The following NCAM2 variants were observed in gnomAD, a reference collection of about 807,000 sequenced individuals.
NCAM2 encodes the protein neural cell adhesion molecule 2, also known as N-CAM-2.
Under a neutral mutation model 98.1 loss-of-function variants are expected in NCAM2, and 30 were observed. That is an observed-to-expected ratio of 0.31 (90% CI 0.23 to 0.41). The LOEUF (loss-of-function observed/expected upper bound fraction) is 0.41. Ranked by LOEUF, NCAM2 falls within the 10% of genes least tolerant of loss-of-function variation. NCAM2 has a pLI of 1.00. For synonymous variants in NCAM2, 368 were observed against 342.4 expected, an observed-to-expected ratio of 1.07 and a Z score of -0.83; for missense variants, 867 against 1,005.8, an observed-to-expected ratio of 0.86 and a Z score of 1.87.
intron 5 of NCAM2, among the ~76,000 whole-genome samples, chr21:21,311,416 C>CT (rs2074051318): frequency 6.8e-6 from 1 of 146,296 alleles, no homozygotes; most frequent in South Asian, 2.2e-4. Context: ...TCTCCGCTCA[C>CT]TGCAAGCTCT....
chr21:21,304,103 G>T (rs1185967066), intron 5 of NCAM2, among the ~76,000 whole-genome samples: 1 of 152,084 alleles, frequency 6.6e-6, no homozygotes, highest in East Asian at 1.9e-4. Flanking sequence ...GTGGGTGAAA[G>T]ATGTTGATGA....
chr21:21,303,865 A>G (rs905922998), intron 5 of NCAM2, among the ~76,000 whole-genome samples: 2 of 152,120 alleles, frequency 1.3e-5, no homozygotes, highest in African/African-American at 4.8e-5. Flanking sequence ...CATTTCCCTA[A>G]TGCCTCAGGA....
intron 5 of NCAM2, among the ~76,000 whole-genome samples, chr21:21,304,634 A>G (rs2073825520): frequency 6.6e-6 from 1 of 152,148 alleles, no homozygotes. Flanking sequence ...TTCAATTTTT[A>G]CATATACATA....
intron 1 of NCAM2, among the ~76,000 whole-genome samples, chr21:21,134,909 A>G (rs538897533): frequency 9.7e-4 from 148 of 151,896 alleles, no homozygotes; most frequent in Middle Eastern, 3.4e-3. Flanking sequence ...TTGTACAGAC[A>G]TGGTCTCACT....
intron 9 of NCAM2, among the ~76,000 whole-genome samples, chr21:21,390,371 G>C (rs897818569): frequency 2.0e-5 from 3 of 152,056 alleles, no homozygotes; most frequent in African/African-American, 4.8e-5. Flanking sequence ...AAAAGGATGA[G>C]AGGCCACTGG....
chr21:21,540,925 AGATT>A lies in NCAM2; in HGVS notation c.*2969_*2972del, dbSNP rs1990206506. ...AGGAATTTAAGAATTGTATTTTTAA[AGATT>A]TATTTATTATTTTTGTGGGCTAAGA... On this transcript the variant is annotated 3_prime_UTR_variant, in exon 18 of 18. Transcript: ENST00000400546. The A allele has an allele frequency of 6.6e-6, 1 of 151,880 alleles. No homozygotes were observed. The highest frequency in any genetic ancestry group is 2.4e-5 in the African/African-American group (1 of 41,432). The allele number at this position is 151,880 out of a possible 1,614,324, so 9.4% of individuals were successfully genotyped here.
At chr21:21,453,455 G>T (rs1981646194) in intron 12 of NCAM2, among the ~76,000 whole-genome samples, 1 of 151,962 alleles carries the variant, frequency 6.6e-6, no homozygotes, top group Non-Finnish European at 1.5e-5. Context: ...TGTCCCATGG[G>T]GCCTTACAGG....
At chr21:21,466,790 T>A in intron 13 of NCAM2, 65 bp downstream of exon 13, 2 of 1,490,848 alleles carry the variant, frequency 1.3e-6, no homozygotes, top group South Asian at 2.5e-5. Context: ...TTTAATAGAT[T>A]TTAAAATGTA....
chr21:21,173,632 TAAAAC>T (rs1382080944), intron 1 of NCAM2, among the ~76,000 whole-genome samples: 13 of 152,188 alleles, frequency 8.5e-5, no homozygotes, highest in Non-Finnish European at 1.9e-4. Flanking sequence ...GGAAATGCCA[TAAAAC>T]CTCTTTTGAG....
At chr21:21,369,706 C>A (rs932005834) in intron 8 of NCAM2, among the ~76,000 whole-genome samples, 1 of 151,770 alleles carries the variant, frequency 6.6e-6, no homozygotes, top group African/African-American at 2.4e-5. Context: ...TAGTGAGTTT[C>A]AGCATCTTCT....
At chr21:21,223,415 A>G (rs2245802) in intron 1 of NCAM2, 3 of 152,028 alleles carry the variant, frequency 2.0e-5, no homozygotes, top group Non-Finnish European at 4.4e-5. Flanking sequence ...TATATTTTCT[A>G]TAATAAAGTA....
chr21:21,434,679 A>G (rs1266094024), intron 12 of NCAM2, among the ~76,000 whole-genome samples: 2 of 152,218 alleles, frequency 1.3e-5, no homozygotes, highest in Non-Finnish European at 2.9e-5. Context: ...GTATTAGAAA[A>G]AAAAAGTTCA....
rs190979699 is a variant in NCAM2 at position 21,382,278 on chromosome 21, A to G, written c.1195+8265A>G. On this transcript the variant is annotated intron_variant, in intron 9 of 17. Coordinates refer to ENST00000400546, the MANE Select transcript of NCAM2 (RefSeq NM_004540.5). ...TTTCTTTCTGGCCACTATTTCTGCA[A>G]TTTTTTTGTGTGTGTAATCTCTTAC... is the stretch of plus-strand genomic sequence containing the variant. Among the ~76,000 whole-genome samples, 280 of 152,124 alleles carry G rather than the reference A, an allele frequency of 1.8e-3. 2 individuals carry two copies. The highest frequency in any genetic ancestry group is 6.6e-3 in the African/African-American group (272 of 41,506).
chr21:21,212,748 T>TG (rs1165581664), intron 1 of NCAM2, among the ~76,000 whole-genome samples: 4 of 150,176 alleles, frequency 2.7e-5, no homozygotes, highest in African/African-American at 9.8e-5. Context: ...TGTGCTTTTT[T>TG]TTTTTTTTTT....
chr21:21,028,066 T>G (rs1005584562), intron 1 of NCAM2, among the ~76,000 whole-genome samples: 9 of 152,250 alleles, frequency 5.9e-5, no homozygotes, highest in African/African-American at 2.2e-4. Flanking sequence ...TTCCTTCATG[T>G]TAGTCAGGCT....
chr21:21,146,791 G>T (rs1479026575), intron 1 of NCAM2, among the ~76,000 whole-genome samples: 1 of 152,106 alleles, frequency 6.6e-6, no homozygotes, highest in African/African-American at 2.4e-5. Context: ...TACTCAAACT[G>T]CATGTTTTAA....
chr21:21,453,819 T>C (rs1224624497), intron 12 of NCAM2, among the ~76,000 whole-genome samples: 3 of 152,120 alleles, frequency 2.0e-5, no homozygotes, highest in Non-Finnish European at 2.9e-5. Context: ...TGAAATTTAG[T>C]TTCCCCCTGT....
At chr21:21,396,542 T>G (rs537506009) in intron 9 of NCAM2, among the ~76,000 whole-genome samples, 2 of 152,216 alleles carry the variant, frequency 1.3e-5, no homozygotes, top group Admixed American at 1.3e-4. Flanking sequence ...CAGCTCATGC[T>G]ATTGGCCTAG....
chr21:21,076,895 T>C (rs894275647), intron 1 of NCAM2, among the ~76,000 whole-genome samples: 1 of 152,208 alleles, frequency 6.6e-6, no homozygotes, highest in Non-Finnish European at 1.5e-5. Context: ...ATTGGAGGAC[T>C]GTCCTTTGCA....
Sources: allele counts gnomAD v4.1 joint callset (sites outside exome capture counted in the v4.1 genomes callset), GRCh38; gene constraint gnomAD v4.1.1; transcripts MANE v1.5; gene names NCBI Gene and HGNC (gene_info 2026-07-23, HGNC 2026-07-21).